KIRREL3: variants seen among roughly 807,000 people sequenced by gnomAD.
KIRREL3 encodes kirre like nephrin family adhesion molecule 3.
KIRREL3 carries 36 observed loss-of-function variants against 89.7 expected under a neutral mutation model. The observed-to-expected ratio is 0.40, with a 90% CI of 0.31 to 0.53. KIRREL3 has a LOEUF of 0.53. Among genes scored for constraint, KIRREL3 ranks in the 20% least tolerant of loss-of-function variants. The pLI is 0.49. For missense variants in KIRREL3, 864 were observed against 1,056.6 expected (o/e 0.82, Z 2.53); for synonymous variants, 445 against 441.4 (o/e 1.01, Z -0.10).
In KIRREL3 at chr11:126,797,294, TAAC is replaced by T. The variant is rs1235017217; in HGVS notation, c.55+203158_55+203160del. 6.6e-6 allele frequency among the ~76,000 whole-genome samples: 1 copy of T among 152,218 alleles called. No individual in the cohort carries two copies. Among genetic ancestry groups the T allele is most frequent in the Non-Finnish European group, 1.5e-5 (1 of 68,042 alleles). On this transcript the variant is annotated intron_variant, in intron 1 of 16. Coordinates refer to ENST00000525144, the MANE Select transcript of KIRREL3 (RefSeq NM_032531.4). This position sits in a 1 kb window ranked among gnomAD's most constrained non-coding sequence, Gnocchi z 4.9. The stretch of plus-strand genomic sequence containing the variant: ...ATTTCTCATCTATGAAATAGACTAA[TAAC>T]AACATTGTTTCAAAGAGCTGTGTTG...
intron 6 of KIRREL3, among the ~76,000 whole-genome samples, chr11:126,460,607 G>A (rs79755104): frequency 6.6e-6 from 1 of 152,330 alleles, no homozygotes; most frequent in Non-Finnish European, 1.5e-5. Context: ...GCCTCCTAAG[G>A]TGGCTGAGAT....
chr11:126,880,765 T>C (rs1037423483), intron 1 of KIRREL3, among the ~76,000 whole-genome samples: 2 of 152,310 alleles, frequency 1.3e-5, no homozygotes, highest in East Asian at 1.9e-4. Context: ...TAAATTATAT[T>C]GCCAAGTTTA....
At chr11:126,821,123 GA>G (rs1180017822) in intron 1 of KIRREL3, among the ~76,000 whole-genome samples, 2 of 151,860 alleles carry the variant, frequency 1.3e-5, no homozygotes, top group Non-Finnish European at 2.9e-5. Context: ...TTCATTATCA[GA>G]AGGCTTTAGT....
intron 1 of KIRREL3, among the ~76,000 whole-genome samples, chr11:126,757,290 GAAAAAGAAAATAAAAAA>G (rs1466155145): frequency 1.3e-5 from 2 of 149,670 alleles, no homozygotes; most frequent in East Asian, 2.0e-4. Flanking sequence ...AAGGGAATTG[GAAAAAGAAAATAAAAAA>G]AAAAAGAAAA....
intron 2 of KIRREL3, among the ~76,000 whole-genome samples, chr11:126,552,930 C>T (rs1362225427): frequency 6.6e-6 from 1 of 152,084 alleles, no homozygotes; most frequent in Non-Finnish European, 1.5e-5. Context: ...CCAGTGTACT[C>T]CTTCCTTAGC....
rs1002885935 is a variant in KIRREL3 at position 126,492,581 on chromosome 11, G to A, written c.434-19115C>T. Among the ~76,000 whole-genome samples the A allele has an allele frequency of 1.3e-5, 2 of 152,174 alleles. No individual in the cohort carries two copies. Among genetic ancestry groups the A allele is most frequent in the Non-Finnish European group, 2.9e-5 (2 of 68,026 alleles). On this transcript the variant is annotated intron_variant, in intron 4 of 16. Transcript: ENST00000525144. This position sits in a 1 kb window ranked among gnomAD's most constrained non-coding sequence, Gnocchi z 4.8. The stretch of plus-strand genomic sequence containing the variant: ...AGGGATGAGGCTGCCAATTGCCACC[G>A]CCACACAGCAAGCGTCACCTCAGCT...
chr11:126,998,828 CG>C (rs1339321111), intron 1 of KIRREL3, among the ~76,000 whole-genome samples: 3 of 151,822 alleles, frequency 2.0e-5, no homozygotes, highest in African/African-American at 7.3e-5. Context: ...TGTGTGTTTA[CG>C]GGGGGTTGGT....
At chr11:126,815,595 GC>G (rs1951540050) in intron 1 of KIRREL3, among the ~76,000 whole-genome samples, 1 of 152,036 alleles carries the variant, frequency 6.6e-6, no homozygotes, top group African/African-American at 2.4e-5. Flanking sequence ...GTGCAGTGGC[GC>G]GATCTCGGCT....
chr11:126,758,874 C>A (rs574124342), intron 1 of KIRREL3, among the ~76,000 whole-genome samples: 4 of 152,240 alleles, frequency 2.6e-5, no homozygotes, highest in African/African-American at 9.6e-5. Flanking sequence ...TTTTTTAACC[C>A]TTACAAAATG....
At chr11:126,793,468 A>G (rs1009563962) in intron 1 of KIRREL3, among the ~76,000 whole-genome samples, 3 of 152,162 alleles carry the variant, frequency 2.0e-5, no homozygotes, top group Admixed American at 6.5e-5. Context: ...TGAAGGAGAA[A>G]GAGAGTAGGA....
rs540315659 is a variant in KIRREL3 at position 126,893,700 on chromosome 11, C to T, written c.55+106755G>A. 7.4e-4 allele frequency among the ~76,000 whole-genome samples: 112 copies of T among 152,320 alleles called. 1 individual carries two copies. The highest frequency in any genetic ancestry group is 2.4e-3 in the African/African-American group (98 of 41,570). On this transcript the variant is annotated intron_variant, in intron 1 of 16. Coordinates refer to ENST00000525144, the MANE Select transcript of KIRREL3 (RefSeq NM_032531.4). ...CCAATCTCCTTAGCTGGCCAATCTCCCTCTCCCACGTCTGAATGCACTTAA... is the reference window on the plus strand; with the variant it reads ...CCAATCTCCTTAGCTGGCCAATCTCTCTCTCCCACGTCTGAATGCACTTAA...
rs116732387 is a variant in KIRREL3, at chr11:126,425,957, C to T, written c.1807-233G>A. On this transcript the variant is annotated intron_variant, in intron 15 of 16. Coordinates refer to ENST00000525144, the MANE Select transcript of KIRREL3 (RefSeq NM_032531.4). ...TGAGGTGAGGGGCAGTTAGGGGAGG[C>T]GAGGGGCAGGTATCCGAGGCCATAC... 8.2e-3 allele frequency among the ~76,000 whole-genome samples: 1,252 copies of T among 152,240 alleles called. 18 individuals carry two copies. Among genetic ancestry groups the T allele is most frequent in the African/African-American group, 0.026 (1,082 of 41,546 alleles).
In KIRREL3 at chr11:126,772,380, C is replaced by T. The variant is rs1033086791; in HGVS notation, c.56-209468G>A. Among the ~76,000 whole-genome samples, 1 of 152,128 alleles carries T rather than the reference C, an allele frequency of 6.6e-6. No individual in the cohort carries two copies. Among genetic ancestry groups the T allele is most frequent in the Non-Finnish European group, 1.5e-5 (1 of 68,026 alleles). On this transcript the variant is annotated intron_variant, in intron 1 of 16. Transcript: ENST00000525144. The surrounding 1 kb of genome is among the most constrained non-coding windows in gnomAD (Gnocchi z 4.6). ...AGTGACAGGCATGCAGGTGGAATGC[C>T]AGGCTCAGCGGCACCACGTGGTGCG...
At position 126,783,813 on chromosome 11, in the gene KIRREL3, G is replaced by A. The variant is rs993057759; in HGVS notation, c.55+216642C>T. 6.6e-6 allele frequency among the ~76,000 whole-genome samples: 1 copy of A among 152,228 alleles called. No individual in the cohort carries two copies. The highest frequency in any genetic ancestry group is 2.4e-5 in the African/African-American group (1 of 41,466). On this transcript the variant is annotated intron_variant, in intron 1 of 16. Transcript: ENST00000525144. This position sits in a 1 kb window ranked among gnomAD's most constrained non-coding sequence, Gnocchi z 4.3. The stretch of plus-strand genomic sequence containing the variant: ...GTGACTTCCTTCTAAAGAATACAGT[G>A]TGAAAGTGAGAGAAAAAGAGGAGCT...
chr11:126,497,209 AGTGT>A lies in KIRREL3; in HGVS notation c.434-23747_434-23744del, dbSNP rs57902579. Among the ~76,000 whole-genome samples the A allele has an allele frequency of 4.5e-3, 420 of 92,648 alleles. 5 individuals carry two copies. Among genetic ancestry groups the A allele is most frequent in the East Asian group, 0.029 (140 of 4,870 alleles). 60.8% of individuals were successfully genotyped at this position (92,648 alleles called of 152,430 possible). A position where few individuals can be genotyped will look rare whatever the true frequency, so the allele number is the denominator to read the frequency against. On this transcript the variant is annotated intron_variant, in intron 4 of 16. Transcript: ENST00000525144. ...GAGAGTGTGAGTGTGTGTGAGTGTG[AGTGT>A]GTGAGAGTGAGTGTGTGTGAGACAG...
At chr11:126,559,366 C>G (rs899395890) in intron 2 of KIRREL3, among the ~76,000 whole-genome samples, 3 of 152,228 alleles carry the variant, frequency 2.0e-5, no homozygotes, top group Admixed American at 6.5e-5. Context: ...AGCGACTACT[C>G]CCTATGTGCA....
intron 1 of KIRREL3, among the ~76,000 whole-genome samples, chr11:126,824,980 T>C (rs1943356699): frequency 6.6e-6 from 1 of 152,238 alleles, no homozygotes; most frequent in Non-Finnish European, 1.5e-5. Flanking sequence ...TTTTAATCTT[T>C]GTAGTTATCT....
intron 1 of KIRREL3, among the ~76,000 whole-genome samples, chr11:126,695,908 G>A (rs1313269546): frequency 6.6e-6 from 1 of 151,542 alleles, no homozygotes; most frequent in Admixed American, 6.6e-5. Context: ...TCTAATTTAC[G>A]GCAACCTCCC....
In KIRREL3 at chr11:126,531,219, GC is replaced by G. The variant is rs1229762693; in HGVS notation, c.134-4533del. Among the ~76,000 whole-genome samples the G allele has an allele frequency of 6.6e-6, 1 of 152,084 alleles. No individual in the cohort carries two copies. The highest frequency in any genetic ancestry group is 1.5e-5 in the Non-Finnish European group (1 of 68,038). On this transcript the variant is annotated intron_variant, in intron 2 of 16. Coordinates refer to ENST00000525144, the MANE Select transcript of KIRREL3 (RefSeq NM_032531.4). The surrounding 1 kb of genome is among the most constrained non-coding windows in gnomAD (Gnocchi z 4.7). ...TTCCCCTTTCCTCTCTATTCCCACT[GC>G]TAGCACCCAAGTTCAAGCTCTCGTT... is the stretch of plus-strand genomic sequence containing the variant.
Sources: gnomAD v4.1 joint callset for allele counts (sites outside exome capture counted in the v4.1 genomes callset) on GRCh38, gnomAD v4.1.1 for gene constraint, Gnocchi (gnomAD v3.1) non-coding constraint, MANE v1.5 for transcripts, NCBI Gene and HGNC (gene_info 2026-07-23, HGNC 2026-07-21) for gene names.